RALYL: variants seen among roughly 807,000 people sequenced by gnomAD.
The protein encoded by RALYL is RNA-binding Raly-like protein.
In RALYL, 29 loss-of-function variants were observed where a neutral mutation model predicts 35.1. That is an observed-to-expected ratio of 0.83 (90% CI 0.61 to 1.13). The LOEUF (loss-of-function observed/expected upper bound fraction) is 1.13. Among genes scored for constraint, RALYL ranks in the 50% most tolerant of loss-of-function variants. RALYL has a pLI of 0.00. For synonymous variants in RALYL, 120 were observed against 127.6 expected (o/e 0.94, Z 0.40); for missense variants, 359 against 360.4 (o/e 1.00, Z 0.03).
intron 4 of RALYL, among the ~76,000 whole-genome samples, chr8:84,819,930 A>G (rs1828152287): frequency 6.6e-6 from 1 of 152,208 alleles, no homozygotes; most frequent in Admixed American, 6.5e-5. Context: ...CACAATTCAT[A>G]TCAGTTTTAC....
chr8:84,425,225 G>A (rs1274550536), intron 1 of RALYL, among the ~76,000 whole-genome samples: 2 of 152,236 alleles, frequency 1.3e-5, no homozygotes, highest in African/African-American at 2.4e-5. Context: ...AGGACCCTCC[G>A]AGCCAGGTGT....
intron 1 of RALYL, among the ~76,000 whole-genome samples, chr8:84,232,610 G>A (rs1375373555): frequency 6.6e-6 from 1 of 151,984 alleles, no homozygotes. Context: ...CACAAAAATG[G>A]TAACTACCTG....
At chr8:84,309,026 C>T (rs1173414898) in intron 1 of RALYL, among the ~76,000 whole-genome samples, 1 of 151,402 alleles carries the variant, frequency 6.6e-6, no homozygotes, top group Non-Finnish European at 1.5e-5. Flanking sequence ...ATATACTATA[C>T]AATTATGTAT....
chr8:84,771,336 A>G (rs904244550), intron 2 of RALYL, among the ~76,000 whole-genome samples: 3 of 152,178 alleles, frequency 2.0e-5, no homozygotes, highest in Non-Finnish European at 4.4e-5. Flanking sequence ...TTTTCCAGGA[A>G]TCTTTTCAAT....
At chr8:84,558,380 T>A (rs1333549355) in intron 2 of RALYL, among the ~76,000 whole-genome samples, 1 of 152,150 alleles carries the variant, frequency 6.6e-6, no homozygotes, top group Non-Finnish European at 1.5e-5. Flanking sequence ...TTTTGTAGTA[T>A]CTGTAAATCA....
intron 4 of RALYL, among the ~76,000 whole-genome samples, chr8:84,816,363 A>AGTT: frequency 6.6e-6 from 1 of 152,230 alleles, no homozygotes; most frequent in East Asian, 1.9e-4. Flanking sequence ...TTCAGCATGA[A>AGTT]GTTGAACTTT....
intron 1 of RALYL, among the ~76,000 whole-genome samples, chr8:84,252,458 T>C (rs548516962): frequency 3.3e-5 from 5 of 152,272 alleles, no homozygotes; most frequent in African/African-American, 9.6e-5. Flanking sequence ...ATGTAAATTG[T>C]GAAATATGCC....
chr8:84,523,368 A>G (rs1236749636), intron 1 of RALYL, among the ~76,000 whole-genome samples: 1 of 151,674 alleles, frequency 6.6e-6, no homozygotes, highest in Non-Finnish European at 1.5e-5. Flanking sequence ...ACCCACTCCC[A>G]TGATTCAATT....
At chr8:84,363,068 T>A (rs1277612263) in intron 1 of RALYL, among the ~76,000 whole-genome samples, 1 of 152,214 alleles carries the variant, frequency 6.6e-6, no homozygotes, top group Non-Finnish European at 1.5e-5. Flanking sequence ...GTCACCACGC[T>A]TTTGGTGATG....
chr8:84,407,020 A>T (rs317949), intron 1 of RALYL, among the ~76,000 whole-genome samples: 1 of 136,356 alleles, frequency 7.3e-6, no homozygotes, highest in Non-Finnish European at 1.6e-5. Flanking sequence ...CTCTCTCTCT[A>T]TATATATATA....
intron 1 of RALYL, among the ~76,000 whole-genome samples, chr8:84,342,716 A>G (rs751395848): frequency 1.3e-5 from 2 of 151,972 alleles, no homozygotes; most frequent in Non-Finnish European, 1.5e-5. Flanking sequence ...CCTGGGTAAT[A>G]TGTTGTTTCA....
intron 1 of RALYL, among the ~76,000 whole-genome samples, chr8:84,209,866 A>G (rs948793976): frequency 3.9e-5 from 6 of 152,100 alleles, no homozygotes; most frequent in African/African-American, 1.2e-4. Flanking sequence ...TACAATGACT[A>G]TTTCTGAATA....
At chr8:84,343,239 A>C (rs533553270) in intron 1 of RALYL, among the ~76,000 whole-genome samples, 1 of 152,234 alleles carries the variant, frequency 6.6e-6, no homozygotes, top group African/African-American at 2.4e-5. Context: ...GTGGTATGAA[A>C]TATTAGTTAT....
chr8:84,649,344 A>G (rs983745251), intron 2 of RALYL, among the ~76,000 whole-genome samples: 1 of 151,984 alleles, frequency 6.6e-6, no homozygotes, highest in African/African-American at 2.4e-5. Flanking sequence ...TTTAGACATG[A>G]AGTCCTTGCC....
chr8:84,492,994 C>T (rs2055524199), intron 1 of RALYL, among the ~76,000 whole-genome samples: 1 of 152,024 alleles, frequency 6.6e-6, no homozygotes, highest in Admixed American at 6.6e-5. Flanking sequence ...TGGTGGTTTG[C>T]TGCACCTGTC....
intron 8 of RALYL, among the ~76,000 whole-genome samples, chr8:84,895,988 C>T (rs1386688354): frequency 6.6e-6 from 1 of 152,200 alleles, no homozygotes; most frequent in Non-Finnish European, 1.5e-5. Context: ...CCCTCACAAT[C>T]TCTCCCAGCT....
At chr8:84,583,192 G>T (rs1352374996) in intron 2 of RALYL, among the ~76,000 whole-genome samples, 3 of 152,078 alleles carry the variant, frequency 2.0e-5, no homozygotes, top group Non-Finnish European at 4.4e-5. Flanking sequence ...TTGTCCTTCA[G>T]TGAACATATG....
chr8:84,561,442 T>C (rs2061463806), intron 2 of RALYL, among the ~76,000 whole-genome samples: 1 of 151,874 alleles, frequency 6.6e-6, no homozygotes, highest in African/African-American at 2.4e-5. Context: ...GTGGCCAATA[T>C]ATTCTAAGAT....
At chr8:84,522,394 C>A (rs1436563690) in intron 1 of RALYL, among the ~76,000 whole-genome samples, 1 of 150,808 alleles carries the variant, frequency 6.6e-6, no homozygotes. Flanking sequence ...GGACTACAGG[C>A]GCCCGCCACT....
Sources: allele counts gnomAD v4.1 joint callset (sites outside exome capture counted in the v4.1 genomes callset), GRCh38; gene constraint gnomAD v4.1.1; transcripts MANE v1.5; gene names NCBI Gene and HGNC (gene_info 2026-07-23, HGNC 2026-07-21).